The following BUB1B variants were observed in gnomAD, a reference collection of about 807,000 sequenced individuals.
BUB1B encodes the protein BUB1 mitotic checkpoint serine/threonine kinase B.
BUB1B carries 86 observed loss-of-function variants against 137.7 expected under a neutral mutation model. The observed-to-expected ratio is 0.62, with a 90% CI of 0.52 to 0.75. The LOEUF (loss-of-function observed/expected upper bound fraction) is 0.75, where lower values mean the gene tolerates loss of function less well. Ranked by LOEUF, BUB1B falls within the 30% of genes least tolerant of loss-of-function variation. The pLI is 0.00. For missense variants in BUB1B, 1,130 were observed against 1,236.9 expected (o/e 0.91, Z 1.30); for synonymous variants, 420 against 417.9 (o/e 1.00, Z -0.06).
intron 1 of BUB1B, among the ~76,000 whole-genome samples, chr15:40,161,463 C>G (rs2140876655): frequency 6.6e-6 from 1 of 152,274 alleles, no homozygotes; most frequent in South Asian, 2.1e-4. Flanking sequence ...CCGCATCCAG[C>G]TTCAAAGCGA....
chr15:40,219,921 A>G (rs185595701), intron 22 of BUB1B, among the ~76,000 whole-genome samples: 3 of 152,112 alleles, frequency 2.0e-5, no homozygotes, highest in African/African-American at 4.8e-5. Context: ...TGTCTCTTAC[A>G]TGAACTTTTA....
chr15:40,193,468 CTTTTTTTTTT>C (rs555918648), intron 8 of BUB1B, among the ~76,000 whole-genome samples: 5 of 79,738 alleles, frequency 6.3e-5, no homozygotes, highest in African/African-American at 2.0e-4. Context: ...CTTATTACCA[CTTTTTTTTTT>C]TTTTTTTTTT....
chr15:40,206,852 C>G (rs1325309800), intron 15 of BUB1B, among the ~76,000 whole-genome samples: 1 of 152,148 alleles, frequency 6.6e-6, no homozygotes, highest in Non-Finnish European at 1.5e-5. Flanking sequence ...CTCTGTCGCC[C>G]AGGCTGGAGT....
chr15:40,180,899 C>A (rs988599591), intron 5 of BUB1B, among the ~76,000 whole-genome samples: 1 of 148,258 alleles, frequency 6.7e-6, no homozygotes, highest in African/African-American at 2.5e-5. Context: ...GAGCCTGCTT[C>A]GGCCTCCCAA....
At chr15:40,170,428 T>A in intron 3 of BUB1B, 109 bp from the exon 4 acceptor site, 1 of 1,340,930 alleles carries the variant, frequency 7.5e-7, no homozygotes, top group East Asian at 2.4e-5. Context: ...ATTGAGGACC[T>A]CAAAAGAAAC....
intron 4 of BUB1B, among the ~76,000 whole-genome samples, chr15:40,172,382 T>C (rs2037174332): frequency 6.6e-6 from 1 of 152,168 alleles, no homozygotes; most frequent in African/African-American, 2.4e-5. Context: ...CCCCCAAAAT[T>C]ATTAATAGCC....
chr15:40,212,591 T>C lies in BUB1B; in HGVS notation c.2478T>C (p.Tyr826=). 6.2e-7 allele frequency: 1 copy of C among 1,613,826 alleles called. No homozygotes were observed. Among genetic ancestry groups the C allele is most frequent in the Non-Finnish European group, 8.5e-7 (1 of 1,179,818 alleles). Residue 826 remains tyrosine, a synonymous_variant, in exon 19 of 23, where the codon TAT becomes TAC. Transcript: ENST00000287598. ...NEDFDHFCSC[Y]QYQDGCIVWH... ...ATTTTGATCATTTTTGCAGCTGTTA[T>C]CAATATCAAGATGGCTGTATTGTTT...
chr15:40,192,394 T>C (rs1206431003), intron 8 of BUB1B, among the ~76,000 whole-genome samples: 1 of 152,224 alleles, frequency 6.6e-6, no homozygotes, highest in Non-Finnish European at 1.5e-5. Flanking sequence ...TGATACATTA[T>C]TATTGGTTAA....
intron 4 of BUB1B, among the ~76,000 whole-genome samples, chr15:40,174,626 A>C (rs1189137770): frequency 1.3e-5 from 2 of 152,234 alleles, no homozygotes; most frequent in Non-Finnish European, 2.9e-5. Context: ...AAAGTAACAA[A>C]TGGTAGCTTC....
rs767742757 is a variant in BUB1B at position 40,212,493 on chromosome 15, T to C, written c.2386-6T>C. The C allele has an allele frequency of 3.7e-6, 6 of 1,609,248 alleles. No individual in the cohort carries two copies. The highest frequency in any genetic ancestry group is 4.3e-6 in the Non-Finnish European group (5 of 1,176,328). ...GAACTTATTTTTAAAATACAATGTC[T>C]TACAGGTATCTTCTCAACCTGTCCC... On this transcript the variant is annotated splice_polypyrimidine_tract_variant and splice_region_variant and intron_variant, in intron 18 of 22. Coordinates refer to ENST00000287598, the MANE Select transcript of BUB1B (RefSeq NM_001211.6).
chr15:40,165,252 A>G, intron 2 of BUB1B, 56 bp downstream of exon 2: 1 of 1,611,382 alleles, frequency 6.2e-7, no homozygotes. Flanking sequence ...TGTTGTAGAT[A>G]ACGTGGGTGT....
At chr15:40,185,729 T>A (rs2037353520) in intron 8 of BUB1B, 87 bp downstream of exon 8, 3 of 1,295,992 alleles carry the variant, frequency 2.3e-6, no homozygotes, top group Non-Finnish European at 3.3e-6. Flanking sequence ...CAGTTTCTTC[T>A]TTATGAAGAT....
chr15:40,212,679 C>T, intron 19 of BUB1B, 31 bp downstream of exon 19: 1 of 1,599,396 alleles, frequency 6.3e-7, no homozygotes, highest in Non-Finnish European at 8.5e-7. Context: ...AATTTAAAGT[C>T]CTGAAGTAGA....
At chr15:40,211,669 C>A (rs1204330449) in intron 18 of BUB1B, among the ~76,000 whole-genome samples, 1 of 152,104 alleles carries the variant, frequency 6.6e-6, no homozygotes, top group Non-Finnish European at 1.5e-5. Context: ...TTTCTACCCC[C>A]CTCAGTGGTG....
Position 40,212,610 on chromosome 15 carries a change from A to G in BUB1B, c.2497A>G (p.Ile833Val), listed in dbSNP as rs2037728395. ...CSCYQYQDGCIVWHQYINCFT... is the reference protein window; with the variant it reads ...CSCYQYQDGCVVWHQYINCFT... ...CTGTTATCAATATCAAGATGGCTGT[A>G]TTGTTTGGCACCAATATATAAACTG... The change falls in exon 19 of 23, where the codon ATT becomes GTT. Residue 833 changes from isoleucine (I) to valine (V), a missense_variant. Ile to Val is a conservative substitution (Grantham distance 29, BLOSUM62 3). Coordinates refer to ENST00000287598, the MANE Select transcript of BUB1B (RefSeq NM_001211.6). The G allele has an allele frequency of 1.2e-6, 2 of 1,613,704 alleles. No individual in the cohort carries two copies. Among genetic ancestry groups the G allele is most frequent in the South Asian group, 1.1e-5 (1 of 91,072 alleles).
chr15:40,194,318 C>A (rs1041651264), intron 8 of BUB1B, among the ~76,000 whole-genome samples: 3 of 152,152 alleles, frequency 2.0e-5, no homozygotes, highest in Non-Finnish European at 2.9e-5. Context: ...ATCTGGACTC[C>A]TTTTCTTTGT....
intron 1 of BUB1B, 152 bp from the exon 2 acceptor site, chr15:40,164,901 C>T: frequency 1.0e-6 from 1 of 998,142 alleles, no homozygotes; most frequent in Non-Finnish European, 1.5e-6. Context: ...AACAAAGAAG[C>T]TTAGGCATAT....
intron 8 of BUB1B, among the ~76,000 whole-genome samples, chr15:40,191,085 G>A (rs568937923): frequency 1.6e-4 from 25 of 151,982 alleles, no homozygotes; most frequent in African/African-American, 4.1e-4. Context: ...ACGGGGTTTC[G>A]CCATATTGCC....
rs566379834 is a variant in BUB1B at position 40,171,058 on chromosome 15, C to T, written c.384+377C>T. Among the ~76,000 whole-genome samples the T allele has an allele frequency of 7.2e-5, 11 of 152,186 alleles. No homozygotes were observed. The South Asian group carries it at 2.1e-3, about 29-fold the overall frequency. On this transcript the variant is annotated intron_variant, in intron 4 of 22. Coordinates refer to ENST00000287598, the MANE Select transcript of BUB1B (RefSeq NM_001211.6). Reference sequence around the variant, plus strand: ...TCAAGCAATCCTCTCGCCTCAGCCTCGTGAGTAGCTGGGACTACAGGTGCT... The same window carrying T: ...TCAAGCAATCCTCTCGCCTCAGCCTTGTGAGTAGCTGGGACTACAGGTGCT...
Sources: allele counts gnomAD v4.1 joint callset (sites outside exome capture counted in the v4.1 genomes callset), GRCh38; gene constraint gnomAD v4.1.1; transcripts MANE v1.5; gene names NCBI Gene and HGNC (gene_info 2026-07-23, HGNC 2026-07-21).